The following SPOCK1 variants were observed in gnomAD, a reference collection of about 807,000 sequenced individuals.
The protein encoded by SPOCK1 is testican-1.
In SPOCK1, 23 loss-of-function variants were observed where a neutral mutation model predicts 55.3. That is an observed-to-expected ratio of 0.42 (90% confidence interval 0.30 to 0.59). SPOCK1 has a LOEUF of 0.59. SPOCK1 is among the 20% of genes least tolerant of loss of function. SPOCK1 has a pLI of 0.22. For missense variants in SPOCK1, 499 were observed against 552.5 expected (o/e 0.90, Z 0.97); for synonymous variants, 226 against 221.0 (o/e 1.02, Z -0.20).
In SPOCK1 at chr5:137,425,087, TTATAAA is replaced by T. The variant is rs537317304; in HGVS notation, c.186+73280_186+73285del. 2.4e-3 allele frequency among the ~76,000 whole-genome samples: 369 copies of T among 152,352 alleles called. 1 individual carries two copies. Among genetic ancestry groups the T allele is most frequent in the Non-Finnish European group, 3.9e-3 (266 of 68,046 alleles). On this transcript the variant is annotated intron_variant, in intron 2 of 10. Coordinates refer to ENST00000394945, the MANE Select transcript of SPOCK1 (RefSeq NM_004598.4). ...ACATTCATAAATATGAACAACACAG[TTATAAA>T]TATAAATATTTCAGGCTGTCCCTTG...
intron 6 of SPOCK1, among the ~76,000 whole-genome samples, chr5:136,993,759 G>T (rs1005912033): frequency 6.6e-6 from 1 of 152,122 alleles, no homozygotes; most frequent in Non-Finnish European, 1.5e-5. Flanking sequence ...AGGGAGCCTG[G>T]GGGAATCCCT....
At chr5:137,473,533 T>G (rs995633048) in intron 2 of SPOCK1, among the ~76,000 whole-genome samples, 1 of 152,232 alleles carries the variant, frequency 6.6e-6, no homozygotes, top group African/African-American at 2.4e-5. Context: ...GAGTAAAATT[T>G]CTATTCCTCT....
intron 2 of SPOCK1, among the ~76,000 whole-genome samples, chr5:137,297,077 T>A (rs1372395210): frequency 1.3e-5 from 2 of 152,188 alleles, no homozygotes; most frequent in African/African-American, 4.8e-5. Flanking sequence ...AAACATAATA[T>A]GTATGTATAT....
intron 2 of SPOCK1, among the ~76,000 whole-genome samples, chr5:137,307,929 T>C (rs1757727202): frequency 6.6e-6 from 1 of 152,180 alleles, no homozygotes. Flanking sequence ...CTAAACCAGG[T>C]ATGCATTTCC....
At chr5:137,250,081 T>C (rs1194721661) in intron 3 of SPOCK1, among the ~76,000 whole-genome samples, 1 of 152,204 alleles carries the variant, frequency 6.6e-6, no homozygotes. Flanking sequence ...CATTTTAAAG[T>C]AGGTGAAAAA....
intron 2 of SPOCK1, among the ~76,000 whole-genome samples, chr5:137,433,664 G>A (rs530635685): frequency 6.6e-6 from 1 of 152,294 alleles, no homozygotes; most frequent in African/African-American, 2.4e-5. Context: ...GGACACCACA[G>A]GCCAGTCCTA....
intron 3 of SPOCK1, among the ~76,000 whole-genome samples, chr5:137,246,026 T>C (rs1308169300): frequency 6.6e-6 from 1 of 152,248 alleles, no homozygotes; most frequent in African/African-American, 2.4e-5. Flanking sequence ...GAAAGGTTTC[T>C]CTCTGGATTT....
chr5:137,406,794 C>T (rs886211246), intron 2 of SPOCK1, among the ~76,000 whole-genome samples: 1 of 152,136 alleles, frequency 6.6e-6, no homozygotes, highest in African/African-American at 2.4e-5. Context: ...TGAACCTCAC[C>T]CCAGTGTTCA....
intron 6 of SPOCK1, among the ~76,000 whole-genome samples, chr5:137,030,793 C>T (rs1296150896): frequency 1.3e-5 from 2 of 152,120 alleles, no homozygotes; most frequent in East Asian, 3.9e-4. Flanking sequence ...TGTAATAATG[C>T]TAACAAAATA....
At chr5:137,431,061 G>T (rs1045570158) in intron 2 of SPOCK1, among the ~76,000 whole-genome samples, 1 of 152,158 alleles carries the variant, frequency 6.6e-6, no homozygotes, top group Non-Finnish European at 1.5e-5. Context: ...GGCTGTAACA[G>T]CCACCCCACA....
At chr5:137,323,853 G>C (rs1049912143) in intron 2 of SPOCK1, among the ~76,000 whole-genome samples, 6 of 152,136 alleles carry the variant, frequency 3.9e-5, no homozygotes, top group Non-Finnish European at 7.3e-5. Flanking sequence ...GTGGGGCAAA[G>C]GAATCTCTCA....
At chr5:137,068,961 T>C (rs1752558237) in intron 5 of SPOCK1, among the ~76,000 whole-genome samples, 1 of 152,068 alleles carries the variant, frequency 6.6e-6, no homozygotes, top group South Asian at 2.1e-4. Flanking sequence ...GAAGAAGAGA[T>C]AGGTGAAATT....
chr5:137,425,703 C>T (rs2950955), intron 2 of SPOCK1, among the ~76,000 whole-genome samples: 1 of 151,928 alleles, frequency 6.6e-6, no homozygotes, highest in African/African-American at 2.4e-5. Context: ...CCAGAGAGTA[C>T]AGCAAGCCAC....
chr5:137,247,488 T>C (rs1423772995), intron 3 of SPOCK1, among the ~76,000 whole-genome samples: 1 of 152,252 alleles, frequency 6.6e-6, no homozygotes, highest in Non-Finnish European at 1.5e-5. Context: ...CTTCTGCTTA[T>C]GTATCCATAA....
At chr5:137,119,131 C>A (rs1753642354) in intron 4 of SPOCK1, among the ~76,000 whole-genome samples, 1 of 152,188 alleles carries the variant, frequency 6.6e-6, no homozygotes, top group Admixed American at 6.5e-5. Flanking sequence ...CCTGTCAGCT[C>A]AAAGGGATGA....
At chr5:137,350,937 A>G (rs1432937156) in intron 2 of SPOCK1, among the ~76,000 whole-genome samples, 1 of 152,074 alleles carries the variant, frequency 6.6e-6, no homozygotes, top group East Asian at 1.9e-4. Context: ...ATCAACATAC[A>G]TGCTTCCCAT....
At chr5:137,165,517 A>G (rs934385604) in intron 3 of SPOCK1, among the ~76,000 whole-genome samples, 2 of 152,220 alleles carry the variant, frequency 1.3e-5, no homozygotes, top group African/African-American at 4.8e-5. Flanking sequence ...ACAGATGGAC[A>G]TCTACAATTA....
chr5:137,439,180 G>A (rs1752932252), intron 2 of SPOCK1, among the ~76,000 whole-genome samples: 1 of 152,234 alleles, frequency 6.6e-6, no homozygotes, highest in Admixed American at 6.5e-5. Context: ...GATGTTGCAT[G>A]TGGGTGTGGC....
At chr5:137,192,064 G>GT (rs944971816) in intron 3 of SPOCK1, among the ~76,000 whole-genome samples, 1 of 151,428 alleles carries the variant, frequency 6.6e-6, no homozygotes, top group African/African-American at 2.4e-5. Flanking sequence ...GTGAAACCTC[G>GT]TATCTACTAA....
Sources: allele counts gnomAD v4.1 joint callset (sites outside exome capture counted in the v4.1 genomes callset), GRCh38; gene constraint gnomAD v4.1.1; transcripts MANE v1.5; gene names NCBI Gene and HGNC (gene_info 2026-07-23, HGNC 2026-07-21).